LRRFIP1: variants seen among roughly 807,000 people sequenced by gnomAD.
LRRFIP1 encodes leucine-rich repeat flightless-interacting protein 1.
LRRFIP1 carries 62 observed loss-of-function variants against 104.4 expected under a neutral mutation model. The ratio of observed to expected loss-of-function variants is 0.59; its 90% confidence interval spans 0.48 to 0.73. The LOEUF (loss-of-function observed/expected upper bound fraction) is 0.73. Among genes scored for constraint, LRRFIP1 ranks in the 30% least tolerant of loss-of-function variants. The pLI is 0.00. For missense variants in LRRFIP1, 796 were observed against 824.5 expected (o/e 0.97, Z 0.42); for synonymous variants, 300 against 299.0 (o/e 1.00, Z -0.03).
rs112973109 is a variant in LRRFIP1 at position 237,650,970 on chromosome 2, G to A, written c.96+23230G>A. Reference sequence around the variant, plus strand: ...GGCCTCCACATCCTCCTTGAAATGCGTATCGGGTCACTCTGGGGTATGGGT... The same window carrying A: ...GGCCTCCACATCCTCCTTGAAATGCATATCGGGTCACTCTGGGGTATGGGT... On this transcript the variant is annotated intron_variant, in intron 1 of 23. Transcript: ENST00000308482. Among the ~76,000 whole-genome samples the A allele has an allele frequency of 2.9e-3, 441 of 152,306 alleles. 3 individuals carry two copies. Among genetic ancestry groups the A allele is most frequent in the South Asian group, 0.017 (83 of 4,828 alleles).
intron 13 of LRRFIP1, among the ~76,000 whole-genome samples, chr2:237,750,509 G>C (rs1208635043): frequency 5.3e-5 from 8 of 151,744 alleles, no homozygotes; most frequent in Admixed American, 5.2e-4. Context: ...GCTAACTTTT[G>C]TATTTTTAGT....
chr2:237,710,915 G>T (rs1035285996), intron 2 of LRRFIP1, among the ~76,000 whole-genome samples: 9 of 152,080 alleles, frequency 5.9e-5, no homozygotes, highest in Non-Finnish European at 1.0e-4. Flanking sequence ...TAAAAAATAA[G>T]CCAGGCGTGG....
intron 13 of LRRFIP1, among the ~76,000 whole-genome samples, chr2:237,750,156 TTTAAGCATCCACCA>T (rs1177672128): frequency 4.6e-5 from 7 of 152,090 alleles, no homozygotes; most frequent in Non-Finnish European, 1.0e-4. Context: ...CGGAGAGGGA[TTTAAGCATCCACCA>T]GAGTTTGGCC....
At chr2:237,773,040 AT>A in intron 22 of LRRFIP1, 95 bp downstream of exon 22, 1 of 982,852 alleles carries the variant, frequency 1.0e-6, no homozygotes, top group African/African-American at 1.6e-5. Context: ...AAAAGCCGAG[AT>A]TTTTAGAACC....
intron 1 of LRRFIP1, among the ~76,000 whole-genome samples, chr2:237,648,981 T>G (rs1369867130): frequency 6.6e-6 from 1 of 151,968 alleles, no homozygotes; most frequent in East Asian, 1.9e-4. Flanking sequence ...CTAGCTGCCT[T>G]GAAGGAGTTC....
chr2:237,681,032 T>A (rs190321218), intron 1 of LRRFIP1, among the ~76,000 whole-genome samples: 318 of 152,166 alleles, frequency 2.1e-3, no homozygotes, highest in Non-Finnish European at 3.2e-3. Context: ...GACTCCTGAG[T>A]TAATCTGGAA....
intron 3 of LRRFIP1, among the ~76,000 whole-genome samples, chr2:237,715,440 G>T (rs190336782): frequency 6.6e-6 from 1 of 152,200 alleles, no homozygotes; most frequent in East Asian, 1.9e-4. Flanking sequence ...CTATCTGGTC[G>T]TTTCCACTTG....
chr2:237,762,173 G>A (rs1336469134), intron 19 of LRRFIP1, among the ~76,000 whole-genome samples: 1 of 152,236 alleles, frequency 6.6e-6, no homozygotes, highest in Non-Finnish European at 1.5e-5. Flanking sequence ...AGGGCTGTGT[G>A]ACATGGAGTG....
intron 1 of LRRFIP1, chr2:237,692,513 C>T: frequency 6.5e-7 from 1 of 1,530,906 alleles, no homozygotes; most frequent in Non-Finnish European, 8.8e-7. Flanking sequence ...CCCGGAAGCG[C>T]AGAAGCTGGT....
chr2:237,749,301 G>A lies in LRRFIP1; in HGVS notation c.772G>A (p.Glu258Lys), dbSNP rs201833282. ...SGDTSISIDTEASIREIKELN... is the reference protein window; with the variant it reads ...SGDTSISIDTKASIREIKELN... Reference sequence around the variant, plus strand: ...AGACACCTCCATCTCCATCGACACCGAGGCATCCATCAGGGAAATCAAGGT... The same window carrying A: ...AGACACCTCCATCTCCATCGACACCAAGGCATCCATCAGGGAAATCAAGGT... The change falls in exon 13 of 24, where the codon GAG (glutamate) becomes AAG (lysine). Residue 258 changes from glutamate to lysine, a missense_variant. Transcript: ENST00000308482. 4 of 1,613,570 alleles carry A rather than the reference G, an allele frequency of 2.5e-6. No individual in the cohort carries two copies. Among genetic ancestry groups the A allele is most frequent in the East Asian group, 4.5e-5 (2 of 44,866 alleles).
At chr2:237,737,531 A>T (rs780935651) in intron 10 of LRRFIP1, among the ~76,000 whole-genome samples, 2 of 152,192 alleles carry the variant, frequency 1.3e-5, no homozygotes, top group Non-Finnish European at 2.9e-5. Context: ...GCTTTTGCTT[A>T]GGGAAGCTGG....
intron 1 of LRRFIP1, among the ~76,000 whole-genome samples, chr2:237,704,124 G>A (rs1012606485): frequency 6.7e-6 from 1 of 148,364 alleles, no homozygotes; most frequent in Non-Finnish European, 1.5e-5. Context: ...CTCTGGGGAA[G>A]AATTTTGTCG....
intron 10 of LRRFIP1, among the ~76,000 whole-genome samples, chr2:237,738,225 A>G (rs1326089368): frequency 2.0e-5 from 3 of 151,862 alleles, no homozygotes; most frequent in Non-Finnish European, 4.4e-5. Flanking sequence ...GATCTTGAGC[A>G]CCCCTGAAGA....
chr2:237,720,248 T>G (rs1405536217), intron 5 of LRRFIP1, among the ~76,000 whole-genome samples: 1 of 148,564 alleles, frequency 6.7e-6, no homozygotes, highest in Non-Finnish European at 1.5e-5. Flanking sequence ...TGCCTGGCCC[T>G]GAAATTACTT....
Position 237,733,791 on chromosome 2 carries a change from C to A in LRRFIP1, c.462C>A (p.Ser154Arg). 1 of 1,614,052 alleles carries A rather than the reference C, an allele frequency of 6.2e-7. No homozygotes were observed. The highest frequency in any genetic ancestry group is 8.5e-7 in the Non-Finnish European group (1 of 1,179,898). Residue 154 changes from serine (S) to arginine (R), a missense_variant, in exon 9 of 24, where the codon AGC (serine) becomes AGA (arginine). Physicochemically the swap from Ser to Arg is moderately radical, Grantham distance 110. Transcript: ENST00000308482. ...RRSGRPSCLY[S>R]AARPSGSYRA... is the part of the protein sequence containing the mutation. ...TCCTCCAGCCCTCCTGTCTGTACAGCGCTGCCCGGCCTTCGGGGAGTTACC... is the reference window on the plus strand; with the variant it reads ...TCCTCCAGCCCTCCTGTCTGTACAGAGCTGCCCGGCCTTCGGGGAGTTACC...
chr2:237,662,620 AT>A (rs1039164226), intron 1 of LRRFIP1, among the ~76,000 whole-genome samples: 12 of 151,710 alleles, frequency 7.9e-5, no homozygotes, highest in African/African-American at 2.9e-4. Context: ...CCGCAGCGAA[AT>A]CCATTAATAA....
At chr2:237,680,460 T>A (rs1460978083) in intron 1 of LRRFIP1, among the ~76,000 whole-genome samples, 1 of 152,234 alleles carries the variant, frequency 6.6e-6, no homozygotes, top group Non-Finnish European at 1.5e-5. Context: ...TACATTGTAT[T>A]AGGTATGAAC....
At chr2:237,632,172 C>T (rs2082451837) in intron 1 of LRRFIP1, among the ~76,000 whole-genome samples, 2 of 150,450 alleles carry the variant, frequency 1.3e-5, no homozygotes, top group Admixed American at 6.6e-5. Context: ...GTCACACTGC[C>T]CCCAAGGAGT....
In LRRFIP1 at chr2:237,715,855, C is replaced by G. The variant is rs528058596; in HGVS notation, c.201+1579C>G. Among the ~76,000 whole-genome samples, 7 of 152,306 alleles carry G rather than the reference C, an allele frequency of 4.6e-5. No homozygotes were observed. In the East Asian group the frequency reaches 1.4e-3, roughly 29 times the overall value. ...GCTGTGCTAGTGCTGCTGGCTAACC[C>G]AGGAACTACTAGTTAATTGCACTTG... On this transcript the variant is annotated intron_variant, in intron 3 of 23. Transcript: ENST00000308482.
Sources: allele counts gnomAD v4.1 joint callset (sites outside exome capture counted in the v4.1 genomes callset), GRCh38; gene constraint gnomAD v4.1.1; transcripts MANE v1.5; gene names NCBI Gene and HGNC (gene_info 2026-07-23, HGNC 2026-07-21).